Variants in ADAMTSL1 observed in about 807,000 individuals in gnomAD.
The protein encoded by ADAMTSL1 is ADAMTS-like protein 1.
In ADAMTSL1, 126 loss-of-function variants were observed where a neutral mutation model predicts 201.8. The observed-to-expected ratio is 0.62, with a 90% CI of 0.54 to 0.72. ADAMTSL1 has a LOEUF of 0.72. Ranked by LOEUF, ADAMTSL1 falls within the 30% of genes least tolerant of loss-of-function variation. ADAMTSL1 has a pLI of 0.00. For missense variants in ADAMTSL1, 2,679 were observed against 2,277.8 expected, an observed-to-expected ratio of 1.18 and a Z score of -3.59; for synonymous variants, 1,121 against 903.4, an observed-to-expected ratio of 1.24 and a Z score of -4.32.
intron 2 of ADAMTSL1, among the ~76,000 whole-genome samples, chr9:18,333,263 C>A (rs1159251714): frequency 1.3e-5 from 2 of 152,060 alleles, no homozygotes; most frequent in African/African-American, 4.8e-5. Flanking sequence ...GGGAGGGTCC[C>A]AGAGGGAGGT....
intron 23 of ADAMTSL1, among the ~76,000 whole-genome samples, chr9:18,843,421 C>T (rs1825862822): frequency 6.6e-6 from 1 of 150,956 alleles, no homozygotes; most frequent in South Asian, 2.1e-4. Flanking sequence ...GTCTGATGGG[C>T]TTCCCTTTGT....
Position 18,906,901 on chromosome 9 carries a change from C to T in ADAMTSL1, c.5171C>T (p.Pro1724Leu). The T allele has an allele frequency of 6.2e-7, 1 of 1,613,912 alleles. No individual in the cohort carries two copies. The highest frequency in any genetic ancestry group is 8.5e-7 in the Non-Finnish European group (1 of 1,179,852). ...PANWQRCNIT[P>L]CENMECRDTT... ...AACTGGCAGCGCTGCAACATCACCC[C>T]ATGTGAAAACAGTATGTTCCAACCC... The change falls in exon 28 of 29, where the codon CCA (proline) becomes CTA (leucine). Residue 1724 changes from proline to leucine, a missense_variant. By Grantham distance (98) the Pro-to-Leu change is moderately conservative. Coordinates refer to ENST00000380548, the MANE Select transcript of ADAMTSL1 (RefSeq NM_001040272.6).
At chr9:18,254,741 T>C (rs1831617214) in intron 2 of ADAMTSL1, among the ~76,000 whole-genome samples, 1 of 145,796 alleles carries the variant, frequency 6.9e-6, no homozygotes, top group Non-Finnish European at 1.5e-5. Context: ...GAGTGGAGCA[T>C]TTTACAATCA....
Position 18,145,003 on chromosome 9 carries a change from G to C in ADAMTSL1, c.88-18859G>C, listed in dbSNP as rs192599433. On this transcript the variant is annotated intron_variant, in intron 1 of 29. Coordinates refer to the ADAMTSL1 transcript ENST00000680146. Reference sequence around the variant, plus strand: ...CATAGATAATAGAAGTGTCCAAACAGAGATTGTGGGAGCTGCTGTGAGAGC... The same window carrying C: ...CATAGATAATAGAAGTGTCCAAACACAGATTGTGGGAGCTGCTGTGAGAGC... Among the ~76,000 whole-genome samples, 93 of 152,292 alleles carry C rather than the reference G, an allele frequency of 6.1e-4. 1 individual carries two copies. The highest frequency in any genetic ancestry group is 2.2e-3 in the African/African-American group (92 of 41,574).
intron 1 of ADAMTSL1, among the ~76,000 whole-genome samples, chr9:18,159,038 A>G (rs540623609): frequency 1.3e-5 from 2 of 152,190 alleles, no homozygotes; most frequent in South Asian, 2.1e-4. Context: ...TGTGCCAAGC[A>G]AGAACTCAAA....
intron 2 of ADAMTSL1, among the ~76,000 whole-genome samples, chr9:18,466,124 C>T (rs532062360): frequency 6.6e-6 from 1 of 152,292 alleles, no homozygotes; most frequent in East Asian, 1.9e-4. Context: ...AGTTTTTCCC[C>T]TTTATCCTTG....
intron 2 of ADAMTSL1, among the ~76,000 whole-genome samples, chr9:18,377,562 TTTG>T (rs968347045): frequency 6.6e-6 from 1 of 151,956 alleles, no homozygotes; most frequent in African/African-American, 2.4e-5. Flanking sequence ...GATTCACTTT[TTTG>T]TTGTTGTTTT....
chr9:18,574,239 G>A lies in ADAMTSL1; in HGVS notation c.447G>A (p.Leu149=), dbSNP rs576002636. 1.1e-4 allele frequency: 180 copies of A among 1,613,954 alleles called. No homozygotes were observed. Among genetic ancestry groups the A allele is most frequent in the Non-Finnish European group, 1.5e-4 (176 of 1,179,986 alleles). The change falls in exon 4 of 29, where the codon TTG becomes TTA. Residue 149 remains leucine (L), a synonymous_variant. Transcript: ENST00000380548. ...GTACGCGTTGCTATACAGAATCTTT[G>A]GATATGTGCATCAGTGGTTTATGCC... The part of the protein sequence containing the change: ...LDGTRCYTES[L]DMCISGLCQI...
At chr9:18,815,665 A>G (rs1336498228) in intron 20 of ADAMTSL1, among the ~76,000 whole-genome samples, 3 of 142,194 alleles carry the variant, frequency 2.1e-5, no homozygotes, top group Non-Finnish European at 3.0e-5. Context: ...CCAACATCAC[A>G]CCACTGCCCT....
At chr9:17,966,075 A>C (rs923525630) in intron 1 of ADAMTSL1, among the ~76,000 whole-genome samples, 19 of 152,162 alleles carry the variant, frequency 1.2e-4, no homozygotes, top group African/African-American at 4.3e-4. Context: ...CATTGTTGCA[A>C]ATATGGTCCA....
intron 2 of ADAMTSL1, among the ~76,000 whole-genome samples, chr9:18,422,215 G>A (rs987420620): frequency 1.3e-5 from 2 of 151,996 alleles, no homozygotes; most frequent in Non-Finnish European, 2.9e-5. Context: ...CCTTAAACAT[G>A]GAAAGTGTGT....
intron 2 of ADAMTSL1, among the ~76,000 whole-genome samples, chr9:18,378,636 A>G (rs115844915): frequency 0.013 from 1,925 of 151,936 alleles, 38 homozygotes; most frequent in African/African-American, 0.044. Context: ...CTCCTCCTCT[A>G]CCTACCCTTA....
At chr9:18,903,407 T>A (rs1830118913) in intron 26 of ADAMTSL1, among the ~76,000 whole-genome samples, 1 of 152,176 alleles carries the variant, frequency 6.6e-6, no homozygotes, top group Non-Finnish European at 1.5e-5. Flanking sequence ...AGGCATAAAC[T>A]AAACTGTTTT....
chr9:18,668,195 G>A (rs1044905053), intron 9 of ADAMTSL1, among the ~76,000 whole-genome samples: 2 of 152,132 alleles, frequency 1.3e-5, no homozygotes, highest in Admixed American at 1.3e-4. Flanking sequence ...CCTCATTTAA[G>A]TAACTGCTTT....
At chr9:18,282,979 G>A (rs1465221132) in intron 2 of ADAMTSL1, among the ~76,000 whole-genome samples, 3 of 152,176 alleles carry the variant, frequency 2.0e-5, no homozygotes, top group Non-Finnish European at 4.4e-5. Context: ...GGTTTATATA[G>A]TTTTTAAATC....
At chr9:18,649,033 C>G (rs1289329686) in intron 7 of ADAMTSL1, among the ~76,000 whole-genome samples, 1 of 150,686 alleles carries the variant, frequency 6.6e-6, no homozygotes, top group Non-Finnish European at 1.5e-5. Flanking sequence ...ACCAATCAGA[C>G]GCAGATTTGG....
At chr9:18,537,786 A>T (rs1819867117) in intron 3 of ADAMTSL1, among the ~76,000 whole-genome samples, 1 of 151,012 alleles carries the variant, frequency 6.6e-6, no homozygotes, top group Admixed American at 6.6e-5. Flanking sequence ...AGGCGGGAGG[A>T]TTGCTTGAGC....
chr9:18,276,059 G>T lies in ADAMTSL1; in HGVS notation c.207+112078G>T, dbSNP rs368095611. ...CTTAAAGTCTATTTTATCTGATACA[G>T]GTTTAGCCACCAAAAGTCTTTAGTT... On this transcript the variant is annotated intron_variant, in intron 2 of 29. Coordinates refer to the ADAMTSL1 transcript ENST00000680146. Among the ~76,000 whole-genome samples the T allele has an allele frequency of 2.4e-4, 36 of 152,124 alleles. No individual in the cohort carries two copies. The Middle Eastern group carries it at 0.01, about 43-fold the overall frequency.
intron 17 of ADAMTSL1, 149 bp downstream of exon 17, chr9:18,770,930 G>A: frequency 1.2e-6 from 1 of 866,546 alleles, no homozygotes; most frequent in East Asian, 2.7e-5. Flanking sequence ...ACCGTAGTGT[G>A]TAACTAGCTT....
Sources: gnomAD v4.1 joint callset for allele counts (sites outside exome capture counted in the v4.1 genomes callset) on GRCh38, gnomAD v4.1.1 for gene constraint, MANE v1.5 for transcripts, NCBI Gene and HGNC (gene_info 2026-07-23, HGNC 2026-07-21) for gene names.